MARK1: variants seen among roughly 807,000 people sequenced by gnomAD.
The protein encoded by MARK1 is microtubule affinity regulating kinase 1, also known as serine/threonine-protein kinase MARK1.
MARK1 carries 40 observed loss-of-function variants against 96.3 expected under a neutral mutation model. That is an observed-to-expected ratio of 0.42 (90% CI 0.32 to 0.54). MARK1 has a LOEUF of 0.54. Ranked by LOEUF, MARK1 falls within the 20% of genes least tolerant of loss-of-function variation. The probability of loss-of-function intolerance (pLI) is 0.16; values close to 1 mark genes in which losing one functional copy is unlikely to be tolerated. For synonymous variants in MARK1, 317 were observed against 341.2 expected (o/e 0.93, Z 0.78); for missense variants, 719 against 984.6 (o/e 0.73, Z 3.61).
At chr1:220,647,686 G>A (rs146201303) in intron 13 of MARK1, among the ~76,000 whole-genome samples, 2,188 of 152,122 alleles carry the variant, frequency 0.014, 28 homozygotes, top group Middle Eastern at 0.044. Context: ...AATGTGGTAC[G>A]TATACACCAC....
chr1:220,554,718 A>C (rs1558254984), intron 1 of MARK1, among the ~76,000 whole-genome samples: 2 of 152,204 alleles, frequency 1.3e-5, no homozygotes, highest in Non-Finnish European at 2.9e-5. Flanking sequence ...CAAGGAAACC[A>C]CATCTAGAAT....
rs2889895 is a variant in MARK1, at chr1:220,654,788, A to G, written c.1988+1436A>G. Among the ~76,000 whole-genome samples, 93,260 of 152,130 alleles carry G rather than the reference A, an allele frequency of 0.61. 30,401 individuals carry two copies. The highest frequency in any genetic ancestry group is 0.72 in the Non-Finnish European group (49,016 of 68,012). On this transcript the variant is annotated intron_variant, in intron 16 of 17. Coordinates refer to ENST00000366917, the MANE Select transcript of MARK1 (RefSeq NM_018650.5). The surrounding 1 kb of genome is among the most constrained non-coding windows in gnomAD (Gnocchi z 4.0). ...GTTTATAGTTTAGTGCTTGATTACTAATTGTGCATTAAGCATTGTGCAAAA... is the reference window on the plus strand; with the variant it reads ...GTTTATAGTTTAGTGCTTGATTACTGATTGTGCATTAAGCATTGTGCAAAA...
At chr1:220,630,959 C>T (rs1167113128) in intron 9 of MARK1, 76 bp from the exon 10 acceptor site, 1 of 1,015,862 alleles carries the variant, frequency 9.8e-7, no homozygotes, top group East Asian at 2.5e-5. Flanking sequence ...AGTAATTTTA[C>T]ATTTGCTAAA....
intron 13 of MARK1, among the ~76,000 whole-genome samples, chr1:220,649,240 G>GGC (rs1572233909): frequency 1.4e-5 from 2 of 142,882 alleles, no homozygotes; most frequent in East Asian, 4.0e-4. Flanking sequence ...TTTTTTTTTT[G>GGC]GGGGACAGGA....
chr1:220,537,106 A>C (rs1361106231), intron 1 of MARK1, among the ~76,000 whole-genome samples: 3 of 144,284 alleles, frequency 2.1e-5, no homozygotes, highest in Admixed American at 1.4e-4. Flanking sequence ...TTTTTTTTTT[A>C]ATTTAAGTTT....
chr1:220,579,295 T>A, intron 1 of MARK1, 59 bp from the exon 2 acceptor site: 1 of 1,159,472 alleles, frequency 8.6e-7, no homozygotes, highest in Middle Eastern at 2.0e-4. Flanking sequence ...GTACTCTTTT[T>A]ACTTGTCCTT....
chr1:220,580,955 A>G (rs1250905544), intron 2 of MARK1, 110 bp from the exon 3 acceptor site: 1 of 400,008 alleles, frequency 2.5e-6, no homozygotes, highest in African/African-American at 2.0e-5. Flanking sequence ...ACACCTAAAA[A>G]GAGCTAAATT....
chr1:220,622,263 A>G (rs956607903), intron 9 of MARK1, among the ~76,000 whole-genome samples: 2 of 152,148 alleles, frequency 1.3e-5, no homozygotes, highest in Non-Finnish European at 1.5e-5. Context: ...TCATTTTTCC[A>G]GTGTTTAACC....
chr1:220,543,366 T>G (rs1313981918), intron 1 of MARK1, among the ~76,000 whole-genome samples: 1 of 152,242 alleles, frequency 6.6e-6, no homozygotes, highest in Admixed American at 6.5e-5. Flanking sequence ...TGCTAATCAC[T>G]GAAAAGTTTG....
chr1:220,581,926 T>C (rs943862299), intron 3 of MARK1, among the ~76,000 whole-genome samples: 2 of 152,210 alleles, frequency 1.3e-5, no homozygotes, highest in African/African-American at 4.8e-5. Context: ...TAGGTTTGTA[T>C]AGAGTGAGAG....
chr1:220,593,473 A>G (rs184166352), intron 3 of MARK1, among the ~76,000 whole-genome samples: 271 of 152,318 alleles, frequency 1.8e-3, no homozygotes, highest in African/African-American at 6.2e-3. Context: ...TTGGTTTTAT[A>G]GCTATATGTG....
intron 3 of MARK1, among the ~76,000 whole-genome samples, chr1:220,585,995 ACACACACACACACACACG>A (rs1487230676): frequency 1.7e-4 from 4 of 23,472 alleles, no homozygotes; most frequent in African/African-American, 2.3e-4. Flanking sequence ...ACACACACAC[ACACACACACACACACACG>A]CGCGCGTGCG....
chr1:220,597,132 C>G (rs748779813), intron 3 of MARK1, among the ~76,000 whole-genome samples: 47 of 152,144 alleles, frequency 3.1e-4, no homozygotes, highest in Non-Finnish European at 5.9e-4. Context: ...TTGATAGACT[C>G]TGGTTGCGGG....
At chr1:220,592,336 G>A (rs893836852) in intron 3 of MARK1, among the ~76,000 whole-genome samples, 1 of 151,688 alleles carries the variant, frequency 6.6e-6, no homozygotes, top group Non-Finnish European at 1.5e-5. Flanking sequence ...AAATAGCCAT[G>A]TTGGAGAAGT....
chr1:220,555,523 G>T (rs933612896), intron 1 of MARK1, among the ~76,000 whole-genome samples: 17 of 152,196 alleles, frequency 1.1e-4, no homozygotes, highest in African/African-American at 3.9e-4. Flanking sequence ...GTGTTTTGGA[G>T]CTAAGGTTGA....
At chr1:220,530,011 C>A (rs988931427) in intron 1 of MARK1, among the ~76,000 whole-genome samples, 3 of 152,050 alleles carry the variant, frequency 2.0e-5, no homozygotes, top group Admixed American at 2.0e-4. Flanking sequence ...AATAACGAAG[C>A]GCTTTGGTGT....
chr1:220,613,118 G>A (rs1164191194), intron 6 of MARK1, among the ~76,000 whole-genome samples: 1 of 152,156 alleles, frequency 6.6e-6, no homozygotes, highest in African/African-American at 2.4e-5. Context: ...GGGAAGTTCC[G>A]ATATCCTATT....
intron 1 of MARK1, among the ~76,000 whole-genome samples, chr1:220,548,387 G>T (rs1218676182): frequency 6.6e-6 from 1 of 152,158 alleles, no homozygotes; most frequent in African/African-American, 2.4e-5. Flanking sequence ...TGAAATGAAG[G>T]TTGTAGAATA....
At position 220,564,968 on chromosome 1, in the gene MARK1, C is replaced by T. The variant is rs1426714746; in HGVS notation, c.52-14386C>T. On this transcript the variant is annotated intron_variant, in intron 1 of 17. Coordinates refer to ENST00000366917, the MANE Select transcript of MARK1 (RefSeq NM_018650.5). ...TTTCTTCTTTAGATTACTTTTTCCC[C>T]TCCTTCCCCTTCTATTTTTTCAGAG... is the stretch of plus-strand genomic sequence containing the variant. Among the ~76,000 whole-genome samples, 3 of 151,824 alleles carry T rather than the reference C, an allele frequency of 2.0e-5. No individual in the cohort carries two copies. In the East Asian group the frequency reaches 5.8e-4, roughly 29 times the overall value.
Sources: allele counts gnomAD v4.1 joint callset (sites outside exome capture counted in the v4.1 genomes callset), GRCh38; gene constraint gnomAD v4.1.1; non-coding constraint Gnocchi (gnomAD v3.1); transcripts MANE v1.5; gene names NCBI Gene and HGNC (gene_info 2026-07-23, HGNC 2026-07-21).